The following MTUS1 variants were observed in gnomAD, a reference collection of about 807,000 sequenced individuals.
The protein encoded by MTUS1 is microtubule associated scaffold protein 1.
In MTUS1, 109 loss-of-function variants were observed where a neutral mutation model predicts 120.8. The observed-to-expected ratio is 0.90, with a 90% confidence interval of 0.77 to 1.06. MTUS1 has a LOEUF of 1.06. MTUS1 is among the 50% of genes least tolerant of loss of function. The probability of loss-of-function intolerance (pLI) is 0.00; values close to 1 mark genes in which losing one functional copy is unlikely to be tolerated. For synonymous variants in MTUS1, 737 were observed against 550.5 expected (o/e 1.34, Z -4.74); for missense variants, 2,210 against 1,486.3 (o/e 1.49, Z -8.01).
At chr8:17,780,355 C>A (rs1275943058) in intron 1 of MTUS1, among the ~76,000 whole-genome samples, 1 of 152,316 alleles carries the variant, frequency 6.6e-6, no homozygotes, top group East Asian at 1.9e-4. Context: ...GCCAATTAAA[C>A]CTCTTTTCTT....
intron 1 of MTUS1, among the ~76,000 whole-genome samples, chr8:17,773,230 T>C (rs139587263): frequency 6.2e-4 from 94 of 152,302 alleles, no homozygotes; most frequent in African/African-American, 2.1e-3. Context: ...AATCAATGTC[T>C]CTGAACCGAA....
intron 6 of MTUS1, among the ~76,000 whole-genome samples, chr8:17,695,801 A>C (rs1309709283): frequency 6.6e-6 from 1 of 152,206 alleles, no homozygotes; most frequent in African/African-American, 2.4e-5. Flanking sequence ...TTTCTGTATA[A>C]CAAAAAAGAA....
intron 6 of MTUS1, among the ~76,000 whole-genome samples, chr8:17,700,992 A>T (rs386490): frequency 0.62 from 94,371 of 151,684 alleles, 29,535 homozygotes; most frequent in Middle Eastern, 0.72. Context: ...CTAGACAAGA[A>T]TCTAGCATAA....
Position 17,675,076 on chromosome 8 carries a change from G to C in MTUS1, c.2905+110C>G. On this transcript the variant is annotated intron_variant, in intron 8 of 14. Transcript: ENST00000693296. The stretch of plus-strand genomic sequence containing the variant: ...TTTGCCCAGATACTAGACAGGGAGT[G>C]CCAACAGCTCCCAGCATGCAACTCC... The C allele has an allele frequency of 8.3e-6, 13 of 1,559,364 alleles. No homozygotes were observed. In the South Asian group the frequency reaches 1.6e-4, roughly 19 times the overall value.
At chr8:17,709,696 C>G (rs1820884341) in intron 6 of MTUS1, among the ~76,000 whole-genome samples, 1 of 152,134 alleles carries the variant, frequency 6.6e-6, no homozygotes, top group South Asian at 2.1e-4. Context: ...TGTGCAACAG[C>G]ATTATGTCTA....
intron 1 of MTUS1, among the ~76,000 whole-genome samples, chr8:17,793,869 A>G (rs1422646770): frequency 1.3e-5 from 2 of 152,212 alleles, no homozygotes; most frequent in South Asian, 2.1e-4. Context: ...ACCTGGGAGA[A>G]TATTTCGAAC....
chr8:17,773,880 T>C (rs2050197259), intron 1 of MTUS1, among the ~76,000 whole-genome samples: 1 of 152,088 alleles, frequency 6.6e-6, no homozygotes, highest in East Asian at 1.9e-4. Context: ...CATGCATGGA[T>C]CAATGACTAG....
At chr8:17,654,495 A>G (rs992122449) in intron 10 of MTUS1, 66 bp downstream of exon 10, 3 of 1,109,386 alleles carry the variant, frequency 2.7e-6, no homozygotes, top group Admixed American at 3.6e-5. Context: ...AATCATTTCC[A>G]TCTTAAAACA....
At chr8:17,718,822 C>T (rs1268779171) in intron 4 of MTUS1, among the ~76,000 whole-genome samples, 1 of 151,364 alleles carries the variant, frequency 6.6e-6, no homozygotes, top group Non-Finnish European at 1.5e-5. Flanking sequence ...AAAGGAAAAA[C>T]TAAGGGATAT....
rs185777694 is a variant in MTUS1, at chr8:17,730,584, C to T, written c.2288-6751G>A. On this transcript the variant is annotated intron_variant, in intron 3 of 14. Coordinates refer to ENST00000693296, the MANE Select transcript of MTUS1 (RefSeq NM_001363059.2). ...ACAATAGCCAAAATGTGGAAGCAAC[C>T]CTACTGTTCACAGGCAGATGAACGA... 2.7e-3 allele frequency among the ~76,000 whole-genome samples: 404 copies of T among 151,952 alleles called. 1 individual carries two copies. The highest frequency in any genetic ancestry group is 9.5e-3 in the African/African-American group (394 of 41,428).
At chr8:17,697,222 G>T in intron 6 of MTUS1, 1 of 1,567,320 alleles carries the variant, frequency 6.4e-7, no homozygotes, top group Non-Finnish European at 8.7e-7. Flanking sequence ...GACATCCCCC[G>T]TGCAACACTA....
At chr8:17,788,766 A>AT (rs1286811481) in intron 1 of MTUS1, among the ~76,000 whole-genome samples, 5 of 152,234 alleles carry the variant, frequency 3.3e-5, no homozygotes, top group Non-Finnish European at 5.9e-5. Context: ...GCTCTCTTAG[A>AT]TATCACATCA....
intron 1 of MTUS1, among the ~76,000 whole-genome samples, chr8:17,786,137 C>A (rs1371625542): frequency 1.3e-5 from 2 of 152,074 alleles, no homozygotes; most frequent in African/African-American, 4.8e-5. Context: ...GAGACCCCAT[C>A]TCTGGAAAAA....
At chr8:17,739,521 A>T (rs1339154246) in intron 3 of MTUS1, among the ~76,000 whole-genome samples, 1 of 151,934 alleles carries the variant, frequency 6.6e-6, no homozygotes, top group Non-Finnish European at 1.5e-5. Context: ...ATAAATTAAT[A>T]AATCAAACAA....
chr8:17,740,285 T>C (rs916957851), intron 3 of MTUS1, among the ~76,000 whole-genome samples: 1 of 152,246 alleles, frequency 6.6e-6, no homozygotes, highest in Non-Finnish European at 1.5e-5. Flanking sequence ...ACATTCATTT[T>C]AAAGCTTCAA....
At chr8:17,719,934 T>C (rs182057706) in intron 4 of MTUS1, among the ~76,000 whole-genome samples, 89 of 152,316 alleles carry the variant, frequency 5.8e-4, no homozygotes, top group Non-Finnish European at 7.3e-5. Flanking sequence ...GAAATGTTTG[T>C]TGCTGCAAGG....
At chr8:17,719,201 A>G (rs1042950759) in intron 4 of MTUS1, among the ~76,000 whole-genome samples, 19 of 152,186 alleles carry the variant, frequency 1.2e-4, no homozygotes, top group African/African-American at 4.6e-4. Context: ...TCATTGTTTC[A>G]GACTTTTATC....
At chr8:17,662,995 T>TC (rs1455043600) in intron 8 of MTUS1, among the ~76,000 whole-genome samples, 1 of 152,112 alleles carries the variant, frequency 6.6e-6, no homozygotes, top group African/African-American at 2.4e-5. Context: ...CTGCAATGAA[T>TC]CACCCAAGAA....
intron 1 of MTUS1, 130 bp from the exon 2 acceptor site, chr8:17,756,091 G>A: frequency 5.4e-6 from 2 of 372,576 alleles, no homozygotes; most frequent in Non-Finnish European, 9.1e-6. Flanking sequence ...CTACTGATGT[G>A]GGTAACTGAG....
Sources: allele counts gnomAD v4.1 joint callset (sites outside exome capture counted in the v4.1 genomes callset), GRCh38; gene constraint gnomAD v4.1.1; transcripts MANE v1.5; gene names NCBI Gene and HGNC (gene_info 2026-07-23, HGNC 2026-07-21).